Variants in TNFRSF11A observed in about 807,000 individuals in gnomAD.
The protein encoded by TNFRSF11A is tumor necrosis factor receptor superfamily member 11A.
TNFRSF11A carries 32 observed loss-of-function variants against 55.7 expected under a neutral mutation model. That is an observed-to-expected ratio of 0.57 (90% CI 0.43 to 0.77). The LOEUF (loss-of-function observed/expected upper bound fraction) is 0.77, where lower values mean the gene tolerates loss of function less well. Among genes scored for constraint, TNFRSF11A ranks in the 30% least tolerant of loss-of-function variants. The probability of loss-of-function intolerance (pLI) is 0.00; values close to 1 mark genes in which losing one functional copy is unlikely to be tolerated. For synonymous variants in TNFRSF11A, 311 were observed against 331.0 expected, an observed-to-expected ratio of 0.94 and a Z score of 0.65; for missense variants, 753 against 809.8, an observed-to-expected ratio of 0.93 and a Z score of 0.85.
rs145337679 is a variant in TNFRSF11A at position 62,383,219 on chromosome 18, G to C, written c.1568-1532G>C. On this transcript the variant is annotated intron_variant, in intron 9 of 9. Coordinates refer to ENST00000586569, the MANE Select transcript of TNFRSF11A (RefSeq NM_003839.4). The surrounding 1 kb of genome is among the most constrained non-coding windows in gnomAD (Gnocchi z 4.2). ...GCATGAGGCACAGACCTCCTTCCAGGACTTTGGATTTGTTGCTCATACTTG... is the reference window on the plus strand; with the variant it reads ...GCATGAGGCACAGACCTCCTTCCAGCACTTTGGATTTGTTGCTCATACTTG... Among the ~76,000 whole-genome samples, 65 of 152,316 alleles carry C rather than the reference G, an allele frequency of 4.3e-4. No individual in the cohort carries two copies. Among genetic ancestry groups the C allele is most frequent in the African/African-American group, 1.4e-3 (60 of 41,570 alleles).
At chr18:62,384,046 A>AACACACACAC (rs58712892) in intron 9 of TNFRSF11A, among the ~76,000 whole-genome samples, 3 of 146,046 alleles carry the variant, frequency 2.1e-5, no homozygotes, top group South Asian at 2.3e-4. Flanking sequence ...TTCTGTGTTG[A>AACACACACAC]ACACACACAC....
intron 9 of TNFRSF11A, among the ~76,000 whole-genome samples, chr18:62,382,766 A>G (rs1173835564): frequency 1.3e-5 from 2 of 151,264 alleles, no homozygotes; most frequent in Non-Finnish European, 2.9e-5. Flanking sequence ...CCAGTTGAAC[A>G]GTTTGTGGTG....
At chr18:62,369,814 C>T (rs1036795512) in intron 9 of TNFRSF11A, among the ~76,000 whole-genome samples, 3 of 152,326 alleles carry the variant, frequency 2.0e-5, no homozygotes, top group African/African-American at 4.8e-5. Flanking sequence ...AAGTCAACAT[C>T]GGCGTCAGGA....
At chr18:62,346,171 A>G (rs1600371126) in intron 1 of TNFRSF11A, among the ~76,000 whole-genome samples, 1 of 152,206 alleles carries the variant, frequency 6.6e-6, no homozygotes, top group Non-Finnish European at 1.5e-5. Flanking sequence ...CCCTTAGGGG[A>G]TCAGAAGCAA....
chr18:62,326,544 T>C (rs747835398), intron 1 of TNFRSF11A, among the ~76,000 whole-genome samples: 15 of 152,198 alleles, frequency 9.9e-5, no homozygotes, highest in Admixed American at 2.0e-4. Context: ...TGCTACCTTA[T>C]TTGAACCAAA....
chr18:62,382,981 G>A (rs1911399909), intron 9 of TNFRSF11A, among the ~76,000 whole-genome samples: 1 of 152,188 alleles, frequency 6.6e-6, no homozygotes, highest in Non-Finnish European at 1.5e-5. Flanking sequence ...GGTAAGTGGT[G>A]GGAGCAGAAG....
At chr18:62,372,152 A>C (rs1250385432) in intron 9 of TNFRSF11A, among the ~76,000 whole-genome samples, 1 of 152,178 alleles carries the variant, frequency 6.6e-6, no homozygotes, top group Admixed American at 6.5e-5. Flanking sequence ...TATGTTAGCC[A>C]TGTTATAAGT....
chr18:62,373,844 G>A (rs1477193200), intron 9 of TNFRSF11A: 7 of 152,370 alleles, frequency 4.6e-5, no homozygotes, highest in Admixed American at 1.3e-4. Flanking sequence ...ATCCTCCTCT[G>A]TCCTCAGTCT....
chr18:62,330,223 G>A (rs1027667505), intron 1 of TNFRSF11A, among the ~76,000 whole-genome samples: 7 of 152,182 alleles, frequency 4.6e-5, no homozygotes, highest in African/African-American at 9.7e-5. Flanking sequence ...AGCAGGATCC[G>A]GTGTTCTGGG....
chr18:62,329,595 C>G (rs2145233136), intron 1 of TNFRSF11A, among the ~76,000 whole-genome samples: 1 of 152,304 alleles, frequency 6.6e-6, no homozygotes, highest in East Asian at 1.9e-4. Flanking sequence ...AAACGCTAAG[C>G]TTGAAAGAAC....
At chr18:62,353,037 G>A (rs918765976) in intron 3 of TNFRSF11A, among the ~76,000 whole-genome samples, 1 of 152,180 alleles carries the variant, frequency 6.6e-6, no homozygotes, top group Non-Finnish European at 1.5e-5. Context: ...TTTGTATCAT[G>A]TTGGGGGGTA....
Position 62,368,803 on chromosome 18 carries a change from C to T in TNFRSF11A, c.886C>T (p.Pro296Ser). ...LLLTLEEKTF[P>S]EDMCYPDQGG... The stretch of plus-strand genomic sequence containing the variant: ...GCTGACTCTGGAGGAGAAGACATTT[C>T]CAGAAGATATGTGCTACCCAGATCA... The change falls in exon 9 of 10, where the codon CCA (proline) becomes TCA (serine). Residue 296 changes from proline (P) to serine (S), a missense_variant. This residue lies in a region of TNFRSF11A where 567 missense variants were observed against 596.7 expected (regional missense o/e 0.95). Transcript: ENST00000586569. 6.2e-7 allele frequency: 1 copy of T among 1,614,212 alleles called. No individual in the cohort carries two copies. The highest frequency in any genetic ancestry group is 2.2e-5 in the East Asian group (1 of 44,882).
Position 62,369,212 on chromosome 18 carries a change from C to G in TNFRSF11A, c.1295C>G (p.Pro432Arg), listed in dbSNP as rs267605223. 2 of 1,613,906 alleles carry G rather than the reference C, an allele frequency of 1.2e-6. No individual in the cohort carries two copies. Residue 432 changes from proline to arginine, a missense_variant, in exon 9 of 10, where the codon CCG becomes CGG. Physicochemically the swap from Pro to Arg is moderately radical, Grantham distance 103 (BLOSUM62 -2). Transcript: ENST00000586569. ...LQKEVDSGHC[P>R]HWAASPSPNW... is the part of the protein sequence containing the mutation. ...AAAGAGGTGGACAGTGGCCATTGCC[C>G]GCACTGGGCAGCCAGCCCCAGCCCC...
chr18:62,358,388 A>G (rs751082710), intron 5 of TNFRSF11A, 47 bp downstream of exon 5: 3 of 1,548,210 alleles, frequency 1.9e-6, no homozygotes, highest in South Asian at 1.1e-5. Flanking sequence ...TTTTTAAACA[A>G]CTCAACCTCC....
At chr18:62,355,120 G>A (rs1010131916) in intron 4 of TNFRSF11A, among the ~76,000 whole-genome samples, 3 of 152,116 alleles carry the variant, frequency 2.0e-5, no homozygotes, top group African/African-American at 7.2e-5. Flanking sequence ...AGTTTACATA[G>A]TTACTTTCTC....
chr18:62,358,406 C>A, intron 5 of TNFRSF11A, 65 bp downstream of exon 5: 1 of 1,471,288 alleles, frequency 6.8e-7, no homozygotes, highest in Non-Finnish European at 9.5e-7. Context: ...TCCACTGTCT[C>A]GTCTGGGTTG....
chr18:62,325,690 C>T lies in TNFRSF11A; in HGVS notation c.75+263C>T, dbSNP rs1334684864. On this transcript the variant is annotated intron_variant, in intron 1 of 9. Coordinates refer to ENST00000586569, the MANE Select transcript of TNFRSF11A (RefSeq NM_003839.4). This position sits in a 1 kb window ranked among gnomAD's most constrained non-coding sequence, Gnocchi z 4.7. The stretch of plus-strand genomic sequence containing the variant: ...CCGAAACGGGCTCTTCCAAAAGCCC[C>T]TCTTAGCCGCAGGCTTTGATGCTGT... 6.6e-6 allele frequency among the ~76,000 whole-genome samples: 1 copy of T among 152,220 alleles called. No homozygotes were observed. The highest frequency in any genetic ancestry group is 2.4e-5 in the African/African-American group (1 of 41,468).
At chr18:62,382,244 G>T (rs1327371404) in intron 9 of TNFRSF11A, among the ~76,000 whole-genome samples, 1 of 151,158 alleles carries the variant, frequency 6.6e-6, no homozygotes, top group Non-Finnish European at 1.5e-5. Context: ...CTAAGTAGCT[G>T]GGATTGCAGG....
rs1283335855 is a variant in TNFRSF11A at position 62,387,250 on chromosome 18, G to T, written c.*2216G>T. 1 of 152,116 alleles carries T rather than the reference G, an allele frequency of 6.6e-6. No homozygotes were observed. Among genetic ancestry groups the T allele is most frequent in the Non-Finnish European group, 1.5e-5 (1 of 68,028 alleles). 9.4% of individuals were successfully genotyped at this position (152,116 alleles called of 1,614,324 possible). ...CACTGATCCCTACTAATTCTATATT[G>T]ATCCAAAGGCAACTCAATGCTAAAA... On this transcript the variant is annotated 3_prime_UTR_variant, in exon 10 of 10. Transcript: ENST00000586569.
Sources: gnomAD v4.1 joint callset for allele counts (sites outside exome capture counted in the v4.1 genomes callset) on GRCh38, gnomAD v4.1.1 for gene constraint, gnomAD v4.1.1 regional missense constraint, Gnocchi (gnomAD v3.1) non-coding constraint, MANE v1.5 for transcripts, NCBI Gene and HGNC (gene_info 2026-07-23, HGNC 2026-07-21) for gene names.